The following HAS1 variants were observed in gnomAD, a reference collection of about 807,000 sequenced individuals.
HAS1 encodes the protein HA synthase 1.
In HAS1, 27 loss-of-function variants were observed where a neutral mutation model predicts 35.0. The observed-to-expected ratio is 0.77, with a 90% CI of 0.57 to 1.06. The LOEUF (loss-of-function observed/expected upper bound fraction) is 1.06. Among genes scored for constraint, HAS1 ranks in the 50% least tolerant of loss-of-function variants. The pLI is 0.00. For missense variants in HAS1, 940 were observed against 814.8 expected (o/e 1.15, Z -1.87); for synonymous variants, 409 against 371.2 (o/e 1.10, Z -1.17).
chr19:51,721,823 G>A (rs984966496), intron 1 of HAS1, among the ~76,000 whole-genome samples: 21 of 151,990 alleles, frequency 1.4e-4, no homozygotes, highest in African/African-American at 4.8e-4. Context: ...AGTTGGTCTC[G>A]AACTCCCAGG....
In HAS1 at chr19:51,713,977, C is replaced by T; in HGVS notation, c.1184G>A (p.Arg395Gln). ...EWLYNALWWH[R>Q]HHAWMTYEAV... ...CTCGTAGGTCATCCACGCATGGTGC[C>T]GGTGCCACCAGAGCGCGTTGTACAG... Residue 395 changes from arginine to glutamine, a missense_variant, in exon 5 of 5, where the codon CGG becomes CAG. Coordinates refer to ENST00000540069, the MANE Select transcript of HAS1 (RefSeq NM_001297436.2). The surrounding 1 kb of genome is among the most constrained non-coding windows in gnomAD (Gnocchi z 4.5). 2 of 1,613,358 alleles carry T rather than the reference C, an allele frequency of 1.2e-6. No individual in the cohort carries two copies. The highest frequency in any genetic ancestry group is 2.2e-5 in the East Asian group (1 of 44,876).
chr19:51,713,600 C>T lies in HAS1; in HGVS notation c.1561G>A (p.Ala521Thr), dbSNP rs2122242865. 2 of 1,556,828 alleles carry T rather than the reference C, an allele frequency of 1.3e-6. No homozygotes were observed. The highest frequency in any genetic ancestry group is 2.4e-5 in the East Asian group (1 of 41,464). Residue 521 changes from alanine to threonine, a missense_variant, in exon 5 of 5, where the codon GCA (alanine) becomes ACA (threonine). Ala to Thr is a moderately conservative substitution (Grantham distance 58). Coordinates refer to ENST00000540069, the MANE Select transcript of HAS1 (RefSeq NM_001297436.2). This position sits in a 1 kb window ranked among gnomAD's most constrained non-coding sequence, Gnocchi z 4.5. ...LLLGGLVRSV[A>T]HEARADWSGP... Reference sequence around the variant, plus strand: ...CTCCAGTCGGCCCTGGCCTCGTGTGCTACGCTGCGGACCAGGCCCCCAAGC... The same window carrying T: ...CTCCAGTCGGCCCTGGCCTCGTGTGTTACGCTGCGGACCAGGCCCCCAAGC...
intron 2 of HAS1, among the ~76,000 whole-genome samples, chr19:51,718,703 A>T (rs1283340429): frequency 6.6e-6 from 1 of 152,064 alleles, no homozygotes; most frequent in East Asian, 1.9e-4. Context: ...TGCTCGGCTA[A>T]TTTTTGTATT....
In HAS1 at chr19:51,716,258, G is replaced by C; in HGVS notation, c.1056C>G (p.Thr352=). ...TNRMLSMGYA[T]KYTSRSRCYS... ...ACCACCTGGTCCCCTCAGCTTACTT[G>C]GTAGCATAACCCATGCTGAGCATGC... Residue 352 remains threonine, a splice_region_variant and synonymous_variant, in exon 4 of 5, where the codon ACC becomes ACG. Coordinates refer to ENST00000540069, the MANE Select transcript of HAS1 (RefSeq NM_001297436.2). The C allele has an allele frequency of 1.2e-6, 2 of 1,612,906 alleles. No homozygotes were observed. The highest frequency in any genetic ancestry group is 8.5e-7 in the Non-Finnish European group (1 of 1,179,264).
At position 51,716,284 on chromosome 19, in the gene HAS1, G is replaced by A. The variant is rs759023526; in HGVS notation, c.1030C>T (p.Arg344Cys). The change falls in exon 4 of 5, where the codon CGC becomes TGC. Residue 344 changes from arginine (R) to cysteine (C), a missense_variant. Physicochemically the swap from Arg to Cys is radical, Grantham distance 180. Transcript: ENST00000540069. ...TFGDDRHLTN[R>C]MLSMGYATKY... ...GTAGCATAACCCATGCTGAGCATGC[G>A]GTTGGTGAGGTGCCGGTCATCCCCA... The A allele has an allele frequency of 1.9e-5, 31 of 1,613,822 alleles. No individual in the cohort carries two copies. The Admixed American group carries it at 3.5e-4, about 18-fold the overall frequency.
Position 51,713,533 on chromosome 19 carries a change from C to T in HAS1, c.1628G>A (p.Gly543Glu), listed in dbSNP as rs2083555841. The change falls in exon 5 of 5, where the codon GGG becomes GAG. Residue 543 changes from glycine (G) to glutamate (E), a missense_variant. Coordinates refer to ENST00000540069, the MANE Select transcript of HAS1 (RefSeq NM_001297436.2). This position sits in a 1 kb window ranked among gnomAD's most constrained non-coding sequence, Gnocchi z 4.5. Reference protein sequence around the residue: ...RAAEAYHLAAGAGAYVGYWVA... With the variant: ...RAAEAYHLAAEAGAYVGYWVA... ...CCAGTAGCCCACGTAGGCGCCGGCC[C>T]CCGCGGCCAAGTGGTAGGCCTCGGC... The T allele has an allele frequency of 6.3e-7, 1 of 1,594,852 alleles. No individual in the cohort carries two copies. The highest frequency in any genetic ancestry group is 1.3e-5 in the African/African-American group (1 of 74,414).
At chr19:51,714,195 T>A (rs980922003) in intron 4 of HAS1, 93 bp from the exon 5 acceptor site, 8 of 1,525,434 alleles carry the variant, frequency 5.2e-6, no homozygotes, top group Non-Finnish European at 7.1e-6. Flanking sequence ...GGACGGCCAC[T>A]GGGGGCGAGT....
intron 2 of HAS1, among the ~76,000 whole-genome samples, chr19:51,718,305 A>G (rs12976958): frequency 6.6e-6 from 1 of 152,170 alleles, no homozygotes; most frequent in African/African-American, 2.4e-5. Context: ...ATTAATCTGT[A>G]TATTGAATAC....
In HAS1 at chr19:51,713,768, G is replaced by A. The variant is rs1384837032; in HGVS notation, c.1393C>T (p.Pro465Ser). 2 of 1,603,992 alleles carry A rather than the reference G, an allele frequency of 1.2e-6. No homozygotes were observed. The change falls in exon 5 of 5, where the codon CCC (proline) becomes TCC (serine). Residue 465 changes from proline (P) to serine (S), a missense_variant. Physicochemically the swap from Pro to Ser is moderately conservative, Grantham distance 74. Transcript: ENST00000540069. This position sits in a 1 kb window ranked among gnomAD's most constrained non-coding sequence, Gnocchi z 4.5. ...GGCAGGAGGCCACACATGTAGAGGG[G>A]CGCGTAGAGCGACAGAAGCACCATG... ...LRMVLLSLYAPLYMCGLLPAK... is the reference protein window; with the variant it reads ...LRMVLLSLYASLYMCGLLPAK...
intron 4 of HAS1, among the ~76,000 whole-genome samples, chr19:51,714,731 C>G (rs922581380): frequency 7.2e-6 from 1 of 138,222 alleles, no homozygotes; most frequent in Non-Finnish European, 1.6e-5. Context: ...GACAAGGATA[C>G]TGTAAGGATT....
At chr19:51,718,236 C>CA (rs149683841) in intron 2 of HAS1, among the ~76,000 whole-genome samples, 5,939 of 126,720 alleles carry the variant, frequency 0.047, 354 homozygotes, top group African/African-American at 0.16. Flanking sequence ...GATTCCATCT[C>CA]AAAAAAAAAA....
intron 2 of HAS1, 82 bp from the exon 3 acceptor site, chr19:51,717,275 GC>G (rs2083594171): frequency 3.4e-6 from 3 of 883,326 alleles, no homozygotes; most frequent in Non-Finnish European, 5.5e-6. Flanking sequence ...GGGGTGCAAT[GC>G]AGCTGGGGCA....
intron 2 of HAS1, among the ~76,000 whole-genome samples, chr19:51,718,255 C>T (rs2083599701): frequency 3.3e-5 from 5 of 150,720 alleles, no homozygotes; most frequent in Non-Finnish European, 7.4e-5. Context: ...AAAAAGATTG[C>T]TACACCAAAT....
In HAS1 at chr19:51,719,217, C is replaced by T. The variant is rs1306883226; in HGVS notation, c.688G>A (p.Asp230Asn). 1 of 1,567,254 alleles carries T rather than the reference C, an allele frequency of 6.4e-7. No individual in the cohort carries two copies. Among genetic ancestry groups the T allele is most frequent in the Non-Finnish European group, 8.7e-7 (1 of 1,155,370 alleles). ...TAFKALGDSV[D>N]YVQVCDSDTR... ...GCGCCTCTACTCACCTGCACGTAGT[C>T]CACCGAATCTCCGAGCGCCTTGAAG... is the stretch of plus-strand genomic sequence containing the variant. The change falls in exon 2 of 5, where the codon GAC becomes AAC. Residue 230 changes from aspartate (D) to asparagine (N), a missense_variant. Transcript: ENST00000540069.
At position 51,713,773 on chromosome 19, in the gene HAS1, T is replaced by A; in HGVS notation, c.1388A>T (p.Tyr463Phe). 1 of 1,604,990 alleles carries A rather than the reference T, an allele frequency of 6.2e-7. No homozygotes were observed. The highest frequency in any genetic ancestry group is 8.5e-7 in the Non-Finnish European group (1 of 1,176,138). ...GCLRMVLLSL[Y>F]APLYMCGLLP... ...GAGGCCACACATGTAGAGGGGCGCG[T>A]AGAGCGACAGAAGCACCATGCGCAG... Residue 463 changes from tyrosine to phenylalanine, a missense_variant, in exon 5 of 5, where the codon TAC becomes TTC. Tyr to Phe is a conservative substitution (Grantham distance 22). Coordinates refer to ENST00000540069, the MANE Select transcript of HAS1 (RefSeq NM_001297436.2). The surrounding 1 kb of genome is among the most constrained non-coding windows in gnomAD (Gnocchi z 4.5).
chr19:51,719,973 C>T (rs1249055641), intron 1 of HAS1, 78 bp from the exon 2 acceptor site: 1 of 917,288 alleles, frequency 1.1e-6, no homozygotes, highest in Non-Finnish European at 1.6e-6. Context: ...ATTAAAAATC[C>T]TTTCCTTCCT....
Position 51,721,482 on chromosome 19 carries a change from A to T in HAS1, c.10-1587T>A, listed in dbSNP as rs561750660. Among the ~76,000 whole-genome samples the T allele has an allele frequency of 1.1e-3, 168 of 152,100 alleles. 1 individual carries two copies. The highest frequency in any genetic ancestry group is 1.9e-3 in the Non-Finnish European group (126 of 67,976). On this transcript the variant is annotated intron_variant, in intron 1 of 4. Transcript: ENST00000540069. ...AATATATATATATAAATTTTTTTTT[A>T]AATTGAGACAGGGAGCCAGAAACTG...
intron 3 of HAS1, 119 bp from the exon 4 acceptor site, chr19:51,716,507 C>G (rs546564061): frequency 2.4e-6 from 2 of 824,436 alleles, no homozygotes; most frequent in South Asian, 1.8e-5. Context: ...TCATCATAAT[C>G]TCAATCTCAG....
Position 51,719,821 on chromosome 19 carries a change from G to A in HAS1, c.84C>T (p.Ala28=). ...AGGTCATGAGGCCCAGGATGAGCAG[G>A]GCGAAGGCGATGGTCAGCACCCTCC... ...LARRVLTIAF[A]LLILGLMTWA... The change falls in exon 2 of 5, where the codon GCC becomes GCT. Residue 28 remains alanine (A), a synonymous_variant. Transcript: ENST00000540069. 1.3e-6 allele frequency: 2 copies of A among 1,555,676 alleles called. No homozygotes were observed. Among genetic ancestry groups the A allele is most frequent in the South Asian group, 1.2e-5 (1 of 84,948 alleles).
Sources: allele counts gnomAD v4.1 joint callset (sites outside exome capture counted in the v4.1 genomes callset), GRCh38; gene constraint gnomAD v4.1.1; non-coding constraint Gnocchi (gnomAD v3.1); transcripts MANE v1.5; gene names NCBI Gene and HGNC (gene_info 2026-07-23, HGNC 2026-07-21).